ABCC9: variants seen among roughly 807,000 people sequenced by gnomAD.
ABCC9 encodes ATP-binding cassette sub-family C member 9.
Under a neutral mutation model 188.3 loss-of-function variants are expected in ABCC9, and 95 were observed. That is an observed-to-expected ratio of 0.50 (90% confidence interval 0.43 to 0.60). The LOEUF is 0.60. ABCC9 is among the 20% of genes least tolerant of loss of function. The pLI, the probability that ABCC9 is intolerant of heterozygous loss-of-function variation, is 0.00. For synonymous variants in ABCC9, 659 were observed against 652.7 expected (o/e 1.01, Z -0.15); for missense variants, 1,102 against 1,876.3 (o/e 0.59, Z 7.62).
intron 35 of ABCC9, among the ~76,000 whole-genome samples, chr12:21,814,285 G>A (rs1341600003): frequency 6.6e-6 from 1 of 152,164 alleles, no homozygotes; most frequent in Non-Finnish European, 1.5e-5. Flanking sequence ...TTGTTGGAAA[G>A]AGACATACAT....
Position 21,838,231 on chromosome 12 carries a change from T to A in ABCC9, c.3474-61A>T, listed in dbSNP as rs974580554. The A allele has an allele frequency of 6.7e-6, 8 of 1,194,314 alleles. No individual in the cohort carries two copies. The African/African-American group carries it at 1.2e-4, about 18-fold the overall frequency. The allele number at this position is 1,194,314 out of a possible 1,614,324, so 74.0% of individuals were successfully genotyped here. A position where few individuals can be genotyped will look rare whatever the true frequency, so the allele number is the denominator to read the frequency against. On this transcript the variant is annotated intron_variant, in intron 29 of 39. Transcript: ENST00000261200. Reference sequence around the variant, plus strand: ...CATCCAGACTCAAAGACTACCATGTTTATTCTTTAAGAGAAAGTTATTTTG... The same window carrying A: ...CATCCAGACTCAAAGACTACCATGTATATTCTTTAAGAGAAAGTTATTTTG...
At chr12:21,813,078 C>G (rs893255388) in intron 35 of ABCC9, among the ~76,000 whole-genome samples, 1 of 152,096 alleles carries the variant, frequency 6.6e-6, no homozygotes, top group Non-Finnish European at 1.5e-5. Context: ...CACACTTTTA[C>G]TTATCTTTTT....
intron 12 of ABCC9, among the ~76,000 whole-genome samples, chr12:21,905,401 C>T (rs1179951765): frequency 6.6e-6 from 1 of 150,592 alleles, no homozygotes; most frequent in Non-Finnish European, 1.5e-5. Context: ...TACCCTAGAA[C>T]TTAAAGTATA....
chr12:21,873,400 A>G (rs12810238), intron 17 of ABCC9, among the ~76,000 whole-genome samples: 2 of 152,156 alleles, frequency 1.3e-5, no homozygotes, highest in African/African-American at 4.8e-5. Context: ...GAAAACTATG[A>G]CATTGGTGAA....
At chr12:21,926,847 C>G (rs1949065242) in intron 4 of ABCC9, among the ~76,000 whole-genome samples, 1 of 152,204 alleles carries the variant, frequency 6.6e-6, no homozygotes, top group Admixed American at 6.5e-5. Flanking sequence ...CACCAGGTGA[C>G]CCAGTGATTC....
intron 12 of ABCC9, among the ~76,000 whole-genome samples, chr12:21,901,935 A>C (rs1455434905): frequency 3.9e-5 from 6 of 152,234 alleles, no homozygotes; most frequent in Non-Finnish European, 7.3e-5. Context: ...AATTGAACTC[A>C]GCTCTGCACC....
rs12817648 is a variant in ABCC9, at chr12:21,798,988, A to G, written c.*2056T>C. 6.7e-6 allele frequency: 1 copy of G among 148,770 alleles called. No homozygotes were observed. The highest frequency in any genetic ancestry group is 2.5e-5 in the African/African-American group (1 of 40,028). The allele number at this position is 148,770 out of a possible 1,614,324, so 9.2% of individuals were successfully genotyped here. ...TGGAAACCATCATTCTCAGTAAACTATCGCAAGAACAAAAAACCAAACACC... is the reference window on the plus strand; with the variant it reads ...TGGAAACCATCATTCTCAGTAAACTGTCGCAAGAACAAAAAACCAAACACC... On this transcript the variant is annotated 3_prime_UTR_variant, in exon 40 of 40. Coordinates refer to ENST00000261200, the MANE Select transcript of ABCC9 (RefSeq NM_020297.4).
At position 21,916,975 on chromosome 12, in the gene ABCC9, G is replaced by T. The variant is rs1390484360; in HGVS notation, c.535C>A (p.Leu179Ile). 4 of 1,613,782 alleles carry T rather than the reference G, an allele frequency of 2.5e-6. No individual in the cohort carries two copies. Among genetic ancestry groups the T allele is most frequent in the Non-Finnish European group, 3.4e-6 (4 of 1,179,812 alleles). The change falls in exon 6 of 40, where the codon CTC (leucine) becomes ATC (isoleucine). Residue 179 changes from leucine to isoleucine, a missense_variant. Leu to Ile is a conservative substitution (Grantham distance 5, BLOSUM62 2). Around this residue, in one of 12 missense-constraint regions of ABCC9, gnomAD observed 305 missense variants for 573.0 expected, o/e 0.53. Transcript: ENST00000261200. ...ACATTGATCTCCACAGCCATCAAGA[G>T]CCCATTCAAGATGACCATCATGCCT... ...ITGMMVILNGLLMAVEINVIR... is the reference protein window; with the variant it reads ...ITGMMVILNGILMAVEINVIR...
chr12:21,822,721 G>A (rs1056669335), intron 31 of ABCC9, among the ~76,000 whole-genome samples: 5 of 149,914 alleles, frequency 3.3e-5, no homozygotes, highest in Admixed American at 6.6e-5. Flanking sequence ...AACCCGGGAG[G>A]CAGAGGTTGC....
chr12:21,914,194 AT>A (rs1354841903), intron 7 of ABCC9, among the ~76,000 whole-genome samples: 1 of 152,190 alleles, frequency 6.6e-6, no homozygotes, highest in Non-Finnish European at 1.5e-5. Flanking sequence ...CCAAAAACTC[AT>A]TAGCTGTTTT....
At chr12:21,900,667 A>C (rs879076269) in intron 12 of ABCC9, among the ~76,000 whole-genome samples, 1 of 152,246 alleles carries the variant, frequency 6.6e-6, no homozygotes, top group Non-Finnish European at 1.5e-5. Context: ...ACGCATGCAC[A>C]AGCTTCAGTA....
intron 31 of ABCC9, among the ~76,000 whole-genome samples, chr12:21,825,323 A>G (rs1306151942): frequency 6.6e-6 from 1 of 152,210 alleles, no homozygotes; most frequent in East Asian, 1.9e-4. Context: ...AAATCATTCT[A>G]CTATAACGAT....
intron 5 of ABCC9, chr12:21,924,202 A>T: frequency 5.4e-6 from 1 of 184,058 alleles, no homozygotes; most frequent in East Asian, 1.3e-4. Flanking sequence ...GCTGTGTTTC[A>T]TGTATATAAA....
intron 12 of ABCC9, among the ~76,000 whole-genome samples, chr12:21,903,287 AT>A (rs1407201645): frequency 6.6e-6 from 1 of 152,226 alleles, no homozygotes; most frequent in African/African-American, 2.4e-5. Flanking sequence ...TCTCAAAATA[AT>A]AAGAGCTATT....
At chr12:21,814,195 A>G (rs1942450182) in intron 35 of ABCC9, among the ~76,000 whole-genome samples, 1 of 152,268 alleles carries the variant, frequency 6.6e-6, no homozygotes, top group South Asian at 2.1e-4. Context: ...TCATTAAGCA[A>G]TGTTATTAAG....
intron 16 of ABCC9, among the ~76,000 whole-genome samples, chr12:21,876,498 G>C (rs1283453528): frequency 6.6e-6 from 1 of 152,056 alleles, no homozygotes; most frequent in Non-Finnish European, 1.5e-5. Context: ...TAAAAAAAAA[G>C]AGTAAAGAAT....
At chr12:21,829,144 C>T in intron 30 of ABCC9, 84 bp from the exon 31 acceptor site, 2 of 672,340 alleles carry the variant, frequency 3.0e-6, no homozygotes, top group East Asian at 4.5e-5. Flanking sequence ...ACTATTTACT[C>T]AACACAGTGA....
intron 37 of ABCC9, among the ~76,000 whole-genome samples, chr12:21,809,104 C>G (rs1229740978): frequency 1.3e-5 from 2 of 152,122 alleles, no homozygotes; most frequent in African/African-American, 4.8e-5. Context: ...TAACTATTAT[C>G]TTTCCTATTG....
At chr12:21,909,784 G>A (rs1948230220) in intron 10 of ABCC9, among the ~76,000 whole-genome samples, 1 of 151,878 alleles carries the variant, frequency 6.6e-6, no homozygotes, top group East Asian at 1.9e-4. Context: ...GTTACTGGAT[G>A]CCCAGGAAAT....
Sources: allele counts gnomAD v4.1 joint callset (sites outside exome capture counted in the v4.1 genomes callset), GRCh38; gene constraint gnomAD v4.1.1; regional missense constraint gnomAD v4.1.1; transcripts MANE v1.5; gene names NCBI Gene and HGNC (gene_info 2026-07-23, HGNC 2026-07-21).